The following NEBL variants were observed in gnomAD, a reference collection of about 807,000 sequenced individuals.
The protein encoded by NEBL is nebulette, also known as LIM and SH3 protein 2.
NEBL carries 122 observed loss-of-function variants against 140.2 expected under a neutral mutation model. The ratio of observed to expected loss-of-function variants is 0.87; its 90% confidence interval spans 0.75 to 1.01. The LOEUF is 1.01. NEBL is among the 50% of genes least tolerant of loss of function. The pLI, the probability that NEBL is intolerant of heterozygous loss-of-function variation, is 0.00. For synonymous variants in NEBL, 436 were observed against 398.9 expected, an observed-to-expected ratio of 1.09 and a Z score of -1.11; for missense variants, 1,365 against 1,231.3, an observed-to-expected ratio of 1.11 and a Z score of -1.62.
At chr10:21,216,382 G>T (rs1310226707) in intron 3 of NEBL, among the ~76,000 whole-genome samples, 2 of 152,166 alleles carry the variant, frequency 1.3e-5, no homozygotes, top group Admixed American at 6.5e-5. Context: ...TTGGCCGGGT[G>T]CAGTATCTCA....
chr10:21,082,946 G>C (rs1293455355), intron 2 of NEBL, among the ~76,000 whole-genome samples: 1 of 151,988 alleles, frequency 6.6e-6, no homozygotes, highest in African/African-American at 2.4e-5. Context: ...AATTTTTTTA[G>C]AGACGGGGTT....
At chr10:21,184,874 C>A (rs1418581089) in intron 3 of NEBL, among the ~76,000 whole-genome samples, 2 of 151,906 alleles carry the variant, frequency 1.3e-5, no homozygotes, top group African/African-American at 4.8e-5. Flanking sequence ...CCTGGTGTAC[C>A]CGAGACTGTT....
chr10:20,965,906 G>A (rs1160214512), intron 3 of NEBL, among the ~76,000 whole-genome samples: 2 of 152,182 alleles, frequency 1.3e-5, no homozygotes, highest in East Asian at 1.9e-4. Flanking sequence ...TTGTCAGAAC[G>A]GAGCAGGAAG....
chr10:20,927,781 C>A (rs1245865125), intron 4 of NEBL, among the ~76,000 whole-genome samples: 1 of 152,110 alleles, frequency 6.6e-6, no homozygotes, highest in African/African-American at 2.4e-5. Context: ...AGACCTTAGG[C>A]AAGAAGAATA....
At chr10:21,013,467 A>C (rs1462677005) in intron 3 of NEBL, among the ~76,000 whole-genome samples, 3 of 152,216 alleles carry the variant, frequency 2.0e-5, no homozygotes, top group Non-Finnish European at 4.4e-5. Flanking sequence ...CAAAGAAAAG[A>C]GAAAGTTAGG....
chr10:20,789,179 T>C (rs985644700), intron 26 of NEBL, among the ~76,000 whole-genome samples: 1 of 152,230 alleles, frequency 6.6e-6, no homozygotes, highest in Non-Finnish European at 1.5e-5. Flanking sequence ...TACTCCAGAC[T>C]GTTAGTCTTG....
intron 3 of NEBL, among the ~76,000 whole-genome samples, chr10:21,236,941 G>A (rs973153594): frequency 6.6e-6 from 1 of 152,138 alleles, no homozygotes; most frequent in Admixed American, 6.5e-5. Flanking sequence ...TTTATAGAGA[G>A]AGGACCAAGG....
At chr10:20,985,477 C>T (rs1837218550) in intron 3 of NEBL, among the ~76,000 whole-genome samples, 1 of 152,116 alleles carries the variant, frequency 6.6e-6, no homozygotes, top group South Asian at 2.1e-4. Flanking sequence ...GAGTCTCTAA[C>T]ATTCTAATAA....
At chr10:21,110,892 G>T in intron 2 of NEBL, 1 of 587,294 alleles carries the variant, frequency 1.7e-6, no homozygotes, top group South Asian at 1.5e-5. Context: ...TGCCAACTTT[G>T]AAAATGTCTG....
At chr10:21,029,977 A>T in intron 2 of NEBL, 1 of 471,138 alleles carries the variant, frequency 2.1e-6, no homozygotes, top group East Asian at 4.6e-5. Flanking sequence ...GTATAATGAT[A>T]GACGTCCCCC....
At chr10:21,217,728 A>G (rs1444065028) in intron 3 of NEBL, among the ~76,000 whole-genome samples, 1 of 152,240 alleles carries the variant, frequency 6.6e-6, no homozygotes, top group Non-Finnish European at 1.5e-5. Context: ...TATTTGTGAC[A>G]ATTCTGCCAC....
chr10:21,207,866 G>A (rs947867551), intron 3 of NEBL, among the ~76,000 whole-genome samples: 5 of 152,094 alleles, frequency 3.3e-5, no homozygotes, highest in Non-Finnish European at 7.4e-5. Context: ...TGAATCTCAG[G>A]ATTCTTAACT....
intron 3 of NEBL, among the ~76,000 whole-genome samples, chr10:20,972,659 A>G (rs1016787533): frequency 6.6e-6 from 1 of 152,108 alleles, no homozygotes; most frequent in Non-Finnish European, 1.5e-5. Flanking sequence ...AGGCAGGAGA[A>G]TTGCTTGAAC....
In NEBL at chr10:20,856,801, AAAAT is replaced by A. The variant is rs538600564; in HGVS notation, c.903+1435_903+1438del. Among the ~76,000 whole-genome samples the A allele has an allele frequency of 3.8e-3, 582 of 152,262 alleles. 3 individuals are homozygous for A. The highest frequency in any genetic ancestry group is 0.013 in the African/African-American group (550 of 41,550). The stretch of plus-strand genomic sequence containing the variant: ...TTTCATCCAAGGACCAATGATTAAA[AAAAT>A]AAATAAATTTATTTTTATTTTATTT... On this transcript the variant is annotated intron_variant, in intron 9 of 27. Transcript: ENST00000377122.
intron 5 of NEBL, among the ~76,000 whole-genome samples, chr10:20,875,166 CTTATT>C (rs1432746222): frequency 6.6e-6 from 1 of 152,122 alleles, no homozygotes; most frequent in African/African-American, 2.4e-5. Flanking sequence ...ATATTTTTAT[CTTATT>C]TTATTGTCTT....
intron 3 of NEBL, among the ~76,000 whole-genome samples, chr10:21,219,953 G>A (rs1842044319): frequency 7.0e-6 from 1 of 141,922 alleles, no homozygotes; most frequent in South Asian, 2.3e-4. Flanking sequence ...TTGCTTTGTT[G>A]CCCAGGCTGG....
At chr10:20,918,883 T>TA (rs1564442855) in intron 4 of NEBL, among the ~76,000 whole-genome samples, 1 of 151,586 alleles carries the variant, frequency 6.6e-6, no homozygotes, top group Non-Finnish European at 1.5e-5. Flanking sequence ...AATAAATAAA[T>TA]AATATTACTG....
intron 2 of NEBL, among the ~76,000 whole-genome samples, chr10:21,025,203 A>G (rs1298641085): frequency 3.3e-5 from 5 of 152,220 alleles, no homozygotes; most frequent in South Asian, 2.1e-4. Context: ...AGTTTCATGG[A>G]AAACAAAACA....
At chr10:21,075,191 C>A (rs1836008015) in intron 2 of NEBL, among the ~76,000 whole-genome samples, 1 of 152,278 alleles carries the variant, frequency 6.6e-6, no homozygotes, top group East Asian at 1.9e-4. Context: ...ACAAGAATGG[C>A]AAACCCACGG....
Sources: gnomAD v4.1 joint callset for allele counts (sites outside exome capture counted in the v4.1 genomes callset) on GRCh38, gnomAD v4.1.1 for gene constraint, MANE v1.5 for transcripts, NCBI Gene and HGNC (gene_info 2026-07-23, HGNC 2026-07-21) for gene names.